LRMDA: variants seen among roughly 807,000 people sequenced by gnomAD.
LRMDA encodes the protein leucine rich melanocyte differentiation associated, also known as leucine-rich melanocyte differentiation-associated protein.
A neutral mutation model predicts 29.8 loss-of-function variants in LRMDA; 18 were observed. That is an observed-to-expected ratio of 0.60 (90% CI 0.42 to 0.90). The LOEUF (loss-of-function observed/expected upper bound fraction) is 0.90. Among genes scored for constraint, LRMDA ranks in the 40% least tolerant of loss-of-function variants. LRMDA has a pLI of 0.00. For synonymous variants in LRMDA, 125 were observed against 109.4 expected, an observed-to-expected ratio of 1.14 and a Z score of -0.89; for missense variants, 273 against 273.9, an observed-to-expected ratio of 1.00 and a Z score of 0.02.
intron 5 of LRMDA, among the ~76,000 whole-genome samples, chr10:76,214,329 A>AAT (rs200197654): frequency 0.016 from 2,066 of 131,616 alleles, 84 homozygotes; most frequent in East Asian, 0.034. Flanking sequence ...ACTTGAACCA[A>AAT]ATTTTTTTTT....
Position 76,073,937 on chromosome 10 carries a change from A to C in LRMDA, c.516+15154A>C, listed in dbSNP as rs115630662. On this transcript the variant is annotated intron_variant, in intron 5 of 6. Transcript: ENST00000611255. The stretch of plus-strand genomic sequence containing the variant: ...CATCCTGAAAATTATTAGTGGCACG[A>C]AGTCCTGATCAGTGTGAATGTGCCT... Among the ~76,000 whole-genome samples the C allele has an allele frequency of 4.2e-3, 642 of 152,346 alleles. 1 individual carries two copies. Among genetic ancestry groups the C allele is most frequent in the African/African-American group, 0.015 (616 of 41,588 alleles).
At chr10:75,646,506 A>G (rs150258873) in intron 2 of LRMDA, among the ~76,000 whole-genome samples, 292 of 152,358 alleles carry the variant, frequency 1.9e-3, no homozygotes, top group African/African-American at 6.5e-3. Context: ...TATTTAGTAC[A>G]GCTGCTGCAT....
chr10:75,560,708 A>C (rs904556859), intron 2 of LRMDA, among the ~76,000 whole-genome samples: 2 of 150,352 alleles, frequency 1.3e-5, no homozygotes, highest in Admixed American at 1.3e-4. Context: ...GATATGTCCC[A>C]TCAATACCTA....
At chr10:75,571,122 G>T (rs1266296661) in intron 2 of LRMDA, among the ~76,000 whole-genome samples, 4 of 151,684 alleles carry the variant, frequency 2.6e-5, no homozygotes, top group Non-Finnish European at 4.4e-5. Context: ...GAGGTGTTCA[G>T]ATCTGCCATC....
chr10:76,371,819 A>T (rs1388114474), intron 6 of LRMDA, among the ~76,000 whole-genome samples: 1 of 152,150 alleles, frequency 6.6e-6, no homozygotes, highest in Non-Finnish European at 1.5e-5. Context: ...GCAGATGCTT[A>T]AGACTGGCCT....
chr10:76,106,312 G>A (rs560512427), intron 5 of LRMDA, among the ~76,000 whole-genome samples: 1 of 152,274 alleles, frequency 6.6e-6, no homozygotes, highest in East Asian at 1.9e-4. Context: ...TAAACTTCCT[G>A]AAAATTTTCA....
intron 5 of LRMDA, among the ~76,000 whole-genome samples, chr10:76,230,141 A>G (rs1392561675): frequency 6.6e-6 from 1 of 152,126 alleles, no homozygotes. Flanking sequence ...CACCCTAACT[A>G]AAAGTTGAGT....
chr10:76,338,804 C>G (rs1036839646), intron 6 of LRMDA, among the ~76,000 whole-genome samples: 5 of 151,958 alleles, frequency 3.3e-5, no homozygotes, highest in Non-Finnish European at 7.4e-5. Context: ...TACTGGATAC[C>G]TGCTAACACA....
Position 75,517,496 on chromosome 10 carries a change from CTGTT to C in LRMDA, c.131+79006_131+79009del, listed in dbSNP as rs1412926148. On this transcript the variant is annotated intron_variant, in intron 2 of 6. Transcript: ENST00000611255. ...GGGAGTTCATTCATGATTTGGCTGT[CTGTT>C]TGTCTGTTATTGCTATATAGGAATG... Among the ~76,000 whole-genome samples the C allele has an allele frequency of 3.9e-4, 60 of 152,166 alleles. 1 individual carries two copies. The highest frequency in any genetic ancestry group is 3.9e-4 in the Admixed American group (6 of 15,266).
intron 2 of LRMDA, among the ~76,000 whole-genome samples, chr10:75,872,321 G>A (rs1845127267): frequency 1.3e-5 from 2 of 151,044 alleles, no homozygotes; most frequent in Non-Finnish European, 2.9e-5. Flanking sequence ...TAATTTTTGA[G>A]ACGATGGAAT....
At chr10:75,578,311 A>G (rs1365480817) in intron 2 of LRMDA, among the ~76,000 whole-genome samples, 3 of 151,830 alleles carry the variant, frequency 2.0e-5, no homozygotes, top group South Asian at 4.2e-4. Context: ...CAAAAAGGCC[A>G]TTACATAATG....
intron 2 of LRMDA, among the ~76,000 whole-genome samples, chr10:75,485,190 G>A (rs1844896566): frequency 6.6e-6 from 1 of 151,974 alleles, no homozygotes; most frequent in African/African-American, 2.4e-5. Context: ...ATATTTTGCT[G>A]GATAACATCC....
chr10:75,860,941 A>G (rs1197646172), intron 2 of LRMDA, among the ~76,000 whole-genome samples: 1 of 152,210 alleles, frequency 6.6e-6, no homozygotes, highest in Non-Finnish European at 1.5e-5. Context: ...CTGCTAATAA[A>G]GATATTATTG....
intron 2 of LRMDA, among the ~76,000 whole-genome samples, chr10:75,503,684 A>G (rs1046291536): frequency 6.6e-6 from 1 of 152,116 alleles, no homozygotes; most frequent in African/African-American, 2.4e-5. Flanking sequence ...CTAATGGGTC[A>G]TTAAGTACTA....
intron 2 of LRMDA, among the ~76,000 whole-genome samples, chr10:75,990,029 C>G (rs974195917): frequency 3.3e-5 from 5 of 152,128 alleles, no homozygotes; most frequent in African/African-American, 1.2e-4. Context: ...GGCCTTGATA[C>G]AATAACTGGT....
intron 6 of LRMDA, among the ~76,000 whole-genome samples, chr10:76,410,393 C>T (rs566020133): frequency 5.7e-4 from 73 of 128,866 alleles, no homozygotes; most frequent in Non-Finnish European, 9.8e-4. Flanking sequence ...GCTGCAGTAT[C>T]AACCTCTTGG....
intron 5 of LRMDA, among the ~76,000 whole-genome samples, chr10:76,257,341 T>TG (rs1416671420): frequency 2.6e-5 from 4 of 151,172 alleles, no homozygotes; most frequent in Admixed American, 6.6e-5. Context: ...TTTTTCTTTT[T>TG]TTTTTTTTTG....
chr10:76,209,014 T>C (rs963426069), intron 5 of LRMDA, among the ~76,000 whole-genome samples: 3 of 151,950 alleles, frequency 2.0e-5, no homozygotes, highest in Admixed American at 1.3e-4. Context: ...ATCAGCCAGG[T>C]GTGGTGGTGG....
chr10:76,313,188 C>T (rs927449707), intron 5 of LRMDA, among the ~76,000 whole-genome samples: 3 of 152,122 alleles, frequency 2.0e-5, no homozygotes, highest in Non-Finnish European at 4.4e-5. Context: ...CTCTGGTCCT[C>T]GGCTTCCTCA....
Sources: allele counts gnomAD v4.1 joint callset (sites outside exome capture counted in the v4.1 genomes callset), GRCh38; gene constraint gnomAD v4.1.1; transcripts MANE v1.5; gene names NCBI Gene and HGNC (gene_info 2026-07-23, HGNC 2026-07-21).